The following CSAD variants were observed in gnomAD, a reference collection of about 807,000 sequenced individuals.
CSAD encodes the protein P-selectin cytoplasmic tail-associated protein.
In CSAD, 47 loss-of-function variants were observed where a neutral mutation model predicts 61.5. That is an observed-to-expected ratio of 0.76 (90% CI 0.60 to 0.97). CSAD has a LOEUF of 0.97. CSAD is among the 50% of genes least tolerant of loss of function. The pLI is 0.00. For synonymous variants in CSAD, 245 were observed against 252.7 expected (o/e 0.97, Z 0.29); for missense variants, 611 against 643.6 (o/e 0.95, Z 0.55).
Position 53,160,853 on chromosome 12 carries a change from G to A in CSAD, c.885-9C>T, listed in dbSNP as rs367688818. 1.9e-6 allele frequency: 3 copies of A among 1,551,408 alleles called. No individual in the cohort carries two copies. Among genetic ancestry groups the A allele is most frequent in the African/African-American group, 2.7e-5 (2 of 73,006 alleles). On this transcript the variant is annotated splice_polypyrimidine_tract_variant and intron_variant, in intron 12 of 16. Transcript: ENST00000444623. ...AGGCCACAGAGTCAGCCCTGGATGG[G>A]GTGGAGCAAAGGCAGGTCAGTGGCT...
intron 16 of CSAD, 148 bp downstream of exon 16, chr12:53,159,475 C>T: frequency 1.5e-6 from 1 of 656,962 alleles, no homozygotes; most frequent in South Asian, 1.9e-5. Flanking sequence ...CCTCCCCATC[C>T]CCACCCCTAC....
rs901531382 is a variant in CSAD at position 53,158,501 on chromosome 12, C to A, written c.*10G>T. ...GGTGGTATCAAGGCCGGCAGCAAGACAGAGAAGGCTCACAGGTCCTGGCCT... is the reference window on the plus strand; with the variant it reads ...GGTGGTATCAAGGCCGGCAGCAAGAAAGAGAAGGCTCACAGGTCCTGGCCT... On this transcript the variant is annotated 3_prime_UTR_variant, in exon 17 of 17. Transcript: ENST00000444623. 1 of 1,608,584 alleles carries A rather than the reference C, an allele frequency of 6.2e-7. No individual in the cohort carries two copies. The highest frequency in any genetic ancestry group is 1.1e-5 in the South Asian group (1 of 90,938).
chr12:53,173,732 C>G lies in CSAD; in HGVS notation c.-11G>C, dbSNP rs1166523554. On this transcript the variant is annotated 5_prime_UTR_variant, in exon 3 of 17. Transcript: ENST00000444623. ...CTAAGGCAGAGACAAGCTTACCTCT[C>G]TGCTCAGGAGAGCCGGAGGCAGGGT... is the stretch of plus-strand genomic sequence containing the variant. 6.2e-7 allele frequency: 1 copy of G among 1,609,974 alleles called. No individual in the cohort carries two copies. Among genetic ancestry groups the G allele is most frequent in the Non-Finnish European group, 8.5e-7 (1 of 1,176,530 alleles).
rs1048995106 is a variant in CSAD at position 53,172,607 on chromosome 12, C to T, written c.168G>A (p.Leu56=). ...WKEPEELKQL[L]DLELRSQGES... ...CGCCCTGGCTCCGCAGCTCCAAATC[C>T]AGCAGCTGCTTCAGCTCCTCAGGCT... is the stretch of plus-strand genomic sequence containing the variant. The change falls in exon 5 of 17, where the codon CTG becomes CTA. Residue 56 remains leucine, a synonymous_variant. Transcript: ENST00000444623. 1 of 1,611,058 alleles carries T rather than the reference C, an allele frequency of 6.2e-7. No individual in the cohort carries two copies. The highest frequency in any genetic ancestry group is 8.5e-7 in the Non-Finnish European group (1 of 1,178,992).
rs770978335 is a variant in CSAD at position 53,172,248 on chromosome 12, G to A, written c.344+98C>T. 8.5e-5 allele frequency: 95 copies of A among 1,122,660 alleles called. 1 individual carries two copies. The Admixed American group carries it at 1.5e-3, about 18-fold the overall frequency. 69.5% of individuals were successfully genotyped at this position (1,122,660 alleles called of 1,614,324 possible). ...CCGACAGGGATTCCCAGAAGCAGTA[G>A]AGAGAGGGCAGAACCATTCTCCTCC... On this transcript the variant is annotated intron_variant, in intron 6 of 16. Transcript: ENST00000444623.
At chr12:53,181,342 T>G, upstream of CSAD, 1 of 985,454 alleles carries the variant, frequency 1.0e-6, no homozygotes, top group Non-Finnish European at 1.2e-6. Flanking sequence ...TTGCCGCCTC[T>G]GTAAAGTGCG....
chr12:53,169,978 G>T (rs564576715), intron 10 of CSAD, 94 bp downstream of exon 10: 9 of 1,089,848 alleles, frequency 8.3e-6, no homozygotes, highest in South Asian at 6.4e-5. Context: ...GCATGGAGAC[G>T]AGAGGGATGA....
chr12:53,175,754 C>T (rs1941057008), intron 2 of CSAD, among the ~76,000 whole-genome samples: 1 of 152,226 alleles, frequency 6.6e-6, no homozygotes, highest in Admixed American at 6.5e-5. Flanking sequence ...ATTTGATTTG[C>T]ATCAACCAAG....
At chr12:53,181,124 T>TGGTGCAGCG, upstream of CSAD, 1 of 962,350 alleles carries the variant, frequency 1.0e-6, no homozygotes, top group Non-Finnish European at 1.2e-6. Flanking sequence ...TGCTCCCGGT[T>TGGTGCAGCG]GGTGCAGCGG....
At chr12:53,172,248 G>T in intron 6 of CSAD, 98 bp downstream of exon 6, 2 of 1,122,780 alleles carry the variant, frequency 1.8e-6, no homozygotes, top group Non-Finnish European at 2.7e-6. Context: ...AGAAGCAGTA[G>T]AGAGAGGGCA....
chr12:53,172,792 A>G lies in CSAD; in HGVS notation c.127-144T>C, dbSNP rs192444845. The G allele has an allele frequency of 1.3e-5, 12 of 956,870 alleles. No individual in the cohort carries two copies. The Middle Eastern group carries it at 1.0e-3, about 81-fold the overall frequency. 59.3% of individuals were successfully genotyped at this position (956,870 alleles called of 1,614,324 possible). A position where few individuals can be genotyped will look rare whatever the true frequency, so the allele number is the denominator to read the frequency against. ...CAAAGCAAAACTCTGAAAATGAACA[A>G]GAGTAGTGAACACAGTAAGACCCAG... On this transcript the variant is annotated intron_variant, in intron 4 of 16. Coordinates refer to ENST00000444623, the MANE Select transcript of CSAD (RefSeq NM_001244705.2).
chr12:53,180,708 C>T (rs138922341), intron 1 of CSAD, 24 bp downstream of exon 1: 6 of 1,269,606 alleles, frequency 4.7e-6, no homozygotes, highest in East Asian at 6.2e-5. Context: ...GGAAACGGGC[C>T]GGGGTTGGTG....
At chr12:53,178,227 C>T (rs965435121) in intron 2 of CSAD, 41 of 381,126 alleles carry the variant, frequency 1.1e-4, no homozygotes, top group African/African-American at 8.3e-4. Flanking sequence ...AATCCTAGCA[C>T]TCTAGGAGGC....
chr12:53,172,129 A>G, intron 6 of CSAD, 141 bp from the exon 7 acceptor site: 1 of 727,594 alleles, frequency 1.4e-6, no homozygotes, highest in Non-Finnish European at 2.3e-6. Flanking sequence ...AGTTGGTGAC[A>G]GAACCAGGGA....
Position 53,173,790 on chromosome 12 carries a change from G to C in CSAD, c.-49-20C>G. The C allele has an allele frequency of 6.2e-7, 1 of 1,612,632 alleles. No homozygotes were observed. The highest frequency in any genetic ancestry group is 1.1e-5 in the South Asian group (1 of 90,816). On this transcript the variant is annotated intron_variant, in intron 2 of 16. Coordinates refer to ENST00000444623, the MANE Select transcript of CSAD (RefSeq NM_001244705.2). ...TAGCTCCTCAGGACAGCAGGACCAA[G>C]ATGGCAGAGGAAGTGGGGTGAAAAG...
chr12:53,180,664 G>T, intron 1 of CSAD, 68 bp downstream of exon 1: 1 of 1,281,648 alleles, frequency 7.8e-7, no homozygotes, highest in Non-Finnish European at 1.0e-6. Context: ...GCCGCTCGGC[G>T]GAGAGGACGA....
chr12:53,173,302 A>G (rs1339119174), intron 4 of CSAD, 43 bp downstream of exon 4: 1 of 1,545,756 alleles, frequency 6.5e-7, no homozygotes, highest in Non-Finnish European at 8.9e-7. Context: ...AGAAAAGAAA[A>G]GAAAGAAAGC....
chr12:53,180,444 T>C, intron 1 of CSAD: 2 of 1,178,236 alleles, frequency 1.7e-6, no homozygotes, highest in East Asian at 7.7e-5. Context: ...CGTACAATCA[T>C]CGAAGGGCCG....
intron 1 of CSAD, chr12:53,180,090 C>T: frequency 7.2e-7 from 1 of 1,383,380 alleles, no homozygotes; most frequent in Non-Finnish European, 9.3e-7. Flanking sequence ...GGGGCTTTGA[C>T]TTCTGCAGGG....
Sources: gnomAD v4.1 joint callset for allele counts (sites outside exome capture counted in the v4.1 genomes callset) on GRCh38, gnomAD v4.1.1 for gene constraint, MANE v1.5 for transcripts, NCBI Gene and HGNC (gene_info 2026-07-23, HGNC 2026-07-21) for gene names.